Variants in TTL observed in about 807,000 individuals in gnomAD.
TTL encodes tubulin tyrosine ligase, also known as tubulin--tyrosine ligase.
Under a neutral mutation model 41.1 loss-of-function variants are expected in TTL, and 10 were observed. The ratio of observed to expected loss-of-function variants is 0.24; its 90% CI spans 0.15 to 0.41. The LOEUF is 0.41. TTL is among the 10% of genes least tolerant of loss of function. The pLI is 1.00. For synonymous variants in TTL, 175 were observed against 175.5 expected, an observed-to-expected ratio of 1.00 and a Z score of 0.02; for missense variants, 367 against 460.4, an observed-to-expected ratio of 0.80 and a Z score of 1.86.
In TTL at chr2:112,482,589, A is replaced by G. The variant is rs1189620580; in HGVS notation, c.157+88A>G. The G allele has an allele frequency of 6.4e-6, 9 of 1,404,382 alleles. No individual in the cohort carries two copies. The Admixed American group carries it at 2.5e-4, about 39-fold the overall frequency. The allele number at this position is 1,404,382 out of a possible 1,614,324, so 87.0% of individuals were successfully genotyped here. ...CGTTAGAACCGGCGCTTTTGTTTTT[A>G]AAGGTCATACATTTTCTCCTCTGTC... is the stretch of plus-strand genomic sequence containing the variant. On this transcript the variant is annotated intron_variant, in intron 1 of 6. Transcript: ENST00000233336. This position sits in a 1 kb window ranked among gnomAD's most constrained non-coding sequence, Gnocchi z 5.3.
At chr2:112,496,155 T>G (rs1681517032) in intron 3 of TTL, among the ~76,000 whole-genome samples, 1 of 152,144 alleles carries the variant, frequency 6.6e-6, no homozygotes, top group African/African-American at 2.4e-5. Context: ...GGGTTTGGGA[T>G]TGGAGTCAGA....
Position 112,482,436 on chromosome 2 carries a change from G to T in TTL, c.92G>T (p.Arg31Leu). 6.2e-7 allele frequency: 1 copy of T among 1,611,118 alleles called. No homozygotes were observed. Among genetic ancestry groups the T allele is most frequent in the Non-Finnish European group, 8.5e-7 (1 of 1,178,960 alleles). The change falls in exon 1 of 7, where the codon CGG (arginine) becomes CTG (leucine). Residue 31 changes from arginine (R) to leucine (L), a missense_variant. Coordinates refer to ENST00000233336, the MANE Select transcript of TTL (RefSeq NM_153712.5). The surrounding 1 kb of genome is among the most constrained non-coding windows in gnomAD (Gnocchi z 5.3). ...GCCACCGGCCACTGGAAGAGGCTGCGGCGAGACAACCCCAGATTCAACCTG... is the reference window on the plus strand; with the variant it reads ...GCCACCGGCCACTGGAAGAGGCTGCTGCGAGACAACCCCAGATTCAACCTG... ...LLATGHWKRL[R>L]RDNPRFNLML...
At chr2:112,494,455 A>C in intron 3 of TTL, 80 bp downstream of exon 3, 1 of 1,093,034 alleles carries the variant, frequency 9.1e-7, no homozygotes, top group East Asian at 2.5e-5. Flanking sequence ...CCCTATTTTA[A>C]TCTGAATCAT....
intron 5 of TTL, among the ~76,000 whole-genome samples, chr2:112,510,737 A>G (rs1189574789): frequency 6.6e-6 from 1 of 152,180 alleles, no homozygotes; most frequent in Non-Finnish European, 1.5e-5. Flanking sequence ...GTTTCCCTTT[A>G]TCAGTTTCCC....
rs1272999951 is a variant in TTL at position 112,536,521 on chromosome 2, CAAAG to C, written c.*7729_*7732del. 9 of 152,242 alleles carry C rather than the reference CAAAG, an allele frequency of 5.9e-5. No homozygotes were observed. The highest frequency in any genetic ancestry group is 2.1e-4 in the South Asian group (1 of 4,822). 9.4% of individuals were successfully genotyped at this position (152,242 alleles called of 1,614,324 possible). A position where few individuals can be genotyped will look rare whatever the true frequency, so the allele number is the denominator to read the frequency against. ...TTAAGAAAAAAATTGTTTCTATAGA[CAAAG>C]AAGGACTTTTTTTTAATAGTTCCAA... On this transcript the variant is annotated 3_prime_UTR_variant, in exon 7 of 7. Transcript: ENST00000233336.
intron 6 of TTL, among the ~76,000 whole-genome samples, chr2:112,523,112 T>C (rs1345123667): frequency 6.6e-6 from 1 of 152,180 alleles, no homozygotes; most frequent in Non-Finnish European, 1.5e-5. Context: ...ATTGCTCTTA[T>C]CTGCAGTGGG....
chr2:112,495,482 T>C (rs139196670), intron 3 of TTL, among the ~76,000 whole-genome samples: 175 of 152,314 alleles, frequency 1.1e-3, no homozygotes, highest in African/African-American at 4.1e-3. Context: ...AGGCTGAAAA[T>C]AGAGGCAGTT....
chr2:112,525,070 T>C (rs185282761), intron 6 of TTL, among the ~76,000 whole-genome samples: 1 of 152,226 alleles, frequency 6.6e-6, no homozygotes, highest in African/African-American at 2.4e-5. Flanking sequence ...TTTCTTGTTT[T>C]TATCAGGTTT....
At chr2:112,513,634 T>TAA (rs1165655184) in intron 5 of TTL, among the ~76,000 whole-genome samples, 4 of 148,440 alleles carry the variant, frequency 2.7e-5, no homozygotes, top group African/African-American at 5.0e-5. Flanking sequence ...TATACAAGTA[T>TAA]GAATATTTAT....
At chr2:112,499,150 T>C (rs1489254076) in intron 3 of TTL, among the ~76,000 whole-genome samples, 1 of 152,010 alleles carries the variant, frequency 6.6e-6, no homozygotes, top group African/African-American at 2.4e-5. Flanking sequence ...CCATCTCTAC[T>C]AAGAATACAA....
At position 112,530,487 on chromosome 2, in the gene TTL, C is replaced by T. The variant is rs764472920; in HGVS notation, c.*1692C>T. On this transcript the variant is annotated 3_prime_UTR_variant, in exon 7 of 7. Coordinates refer to ENST00000233336, the MANE Select transcript of TTL (RefSeq NM_153712.5). ...GTAGTCATTAATCCTTGAGGCCCAA[C>T]GCAGCCGATGGGTTGGTGTTTGGGA... 7 of 228,114 alleles carry T rather than the reference C, an allele frequency of 3.1e-5. No homozygotes were observed. Among genetic ancestry groups the T allele is most frequent in the East Asian group, 6.2e-5 (1 of 16,022 alleles). The allele number at this position is 228,114 out of a possible 1,614,324, so 14.1% of individuals were successfully genotyped here. A position where few individuals can be genotyped will look rare whatever the true frequency, so the allele number is the denominator to read the frequency against.
In TTL at chr2:112,541,161, C is replaced by G. The variant is rs1212649407; in HGVS notation, c.*12366C>G. On this transcript the variant is annotated 3_prime_UTR_variant, in exon 7 of 7. Coordinates refer to ENST00000233336, the MANE Select transcript of TTL (RefSeq NM_153712.5). ...AAATTTTTTTTTAAATCCTCATGAC[C>G]TTGGATTACACAATGATGTCTTAGA... The G allele has an allele frequency of 6.6e-6, 1 of 151,914 alleles. No homozygotes were observed. Among genetic ancestry groups the G allele is most frequent in the Non-Finnish European group, 1.5e-5 (1 of 68,010 alleles). 9.4% of individuals were successfully genotyped at this position (151,914 alleles called of 1,614,324 possible).
chr2:112,495,021 CG>C (rs1358691902), intron 3 of TTL, among the ~76,000 whole-genome samples: 3 of 152,322 alleles, frequency 2.0e-5, no homozygotes, highest in Non-Finnish European at 4.4e-5. Flanking sequence ...GAATGAACTC[CG>C]GATTCCTAAT....
chr2:112,532,237 C>T lies in TTL; in HGVS notation c.*3442C>T, dbSNP rs990372410. 3.1e-5 allele frequency: 7 copies of T among 227,730 alleles called. No individual in the cohort carries two copies. Among genetic ancestry groups the T allele is most frequent in the South Asian group, 1.8e-4 (1 of 5,496 alleles). The allele number at this position is 227,730 out of a possible 1,614,324, so 14.1% of individuals were successfully genotyped here. On this transcript the variant is annotated 3_prime_UTR_variant, in exon 7 of 7. Transcript: ENST00000233336. ...GCTCTACTAGCAAAGACATGGGCAC[C>T]GGAGTAGGTCCCGTGTAGCATGCGG...
chr2:112,494,120 G>T, intron 2 of TTL, 23 bp from the exon 3 acceptor site: 1 of 1,600,310 alleles, frequency 6.2e-7, no homozygotes. Flanking sequence ...AAGGGAGGCT[G>T]ATCCTCTTCT....
At chr2:112,499,098 A>G (rs1681618313) in intron 3 of TTL, among the ~76,000 whole-genome samples, 2 of 152,334 alleles carry the variant, frequency 1.3e-5, no homozygotes, top group Admixed American at 1.3e-4. Flanking sequence ...GAATCACCTG[A>G]GGTCAGGAGT....
intron 2 of TTL, among the ~76,000 whole-genome samples, chr2:112,490,187 A>G (rs1255142835): frequency 5.3e-5 from 8 of 152,188 alleles, no homozygotes; most frequent in African/African-American, 1.9e-4. Context: ...AGGCCAAGGC[A>G]GGTGCATCAT....
Position 112,528,824 on chromosome 2 carries a change from A to G in TTL, c.*29A>G, listed in dbSNP as rs756564777. 3 of 1,527,720 alleles carry G rather than the reference A, an allele frequency of 2.0e-6. No individual in the cohort carries two copies. The highest frequency in any genetic ancestry group is 2.7e-6 in the Non-Finnish European group (3 of 1,101,226). The allele number at this position is 1,527,720 out of a possible 1,614,324, so 94.6% of individuals were successfully genotyped here. A position where few individuals can be genotyped will look rare whatever the true frequency, so the allele number is the denominator to read the frequency against. On this transcript the variant is annotated 3_prime_UTR_variant, in exon 7 of 7. Transcript: ENST00000233336. ...AGGGCACTCCCTGCTGCCTTGGAAA[A>G]AGCACGGGGTCCTGCTCCAGGGAAT...
chr2:112,521,290 G>C (rs1682219524), intron 6 of TTL: 9 of 985,278 alleles, frequency 9.1e-6, no homozygotes, highest in Non-Finnish European at 1.1e-5. Context: ...CTTCTCTCGG[G>C]AGAAGGCTGG....
Sources: gnomAD v4.1 joint callset for allele counts (sites outside exome capture counted in the v4.1 genomes callset) on GRCh38, gnomAD v4.1.1 for gene constraint, Gnocchi (gnomAD v3.1) non-coding constraint, MANE v1.5 for transcripts, NCBI Gene and HGNC (gene_info 2026-07-23, HGNC 2026-07-21) for gene names.